The following LATS2 variants were observed in gnomAD, a reference collection of about 807,000 sequenced individuals.
LATS2 encodes large tumor suppressor kinase 2.
Under a neutral mutation model 76.0 loss-of-function variants are expected in LATS2, and 24 were observed. That is an observed-to-expected ratio of 0.32 (90% CI 0.23 to 0.44). The LOEUF is 0.44. LATS2 is among the 20% of genes least tolerant of loss of function. The pLI is 1.00. For missense variants in LATS2, 1,286 were observed against 1,481.2 expected (o/e 0.87, Z 2.16); for synonymous variants, 692 against 635.4 (o/e 1.09, Z -1.34).
chr13:21,029,235 A>G (rs1872427560), intron 2 of LATS2, among the ~76,000 whole-genome samples: 1 of 152,200 alleles, frequency 6.6e-6, no homozygotes, highest in Admixed American at 6.5e-5. Context: ...CAGCAAGTTG[A>G]GGAAGTTGCC....
At chr13:21,040,675 C>T (rs1419727770) in intron 2 of LATS2, among the ~76,000 whole-genome samples, 4 of 152,110 alleles carry the variant, frequency 2.6e-5, no homozygotes, top group Non-Finnish European at 5.9e-5. Flanking sequence ...GAGGATAAGA[C>T]CAGGGTCTGG....
At chr13:21,050,191 A>G (rs1873225445) in intron 1 of LATS2, among the ~76,000 whole-genome samples, 1 of 99,956 alleles carries the variant, frequency 1.0e-5, no homozygotes, top group Non-Finnish European at 2.3e-5. Context: ...AAGCTGCTGA[A>G]AGCCAGGAGG....
At chr13:21,000,711 C>T (rs560390834) in intron 2 of LATS2, among the ~76,000 whole-genome samples, 14 of 152,164 alleles carry the variant, frequency 9.2e-5, no homozygotes, top group African/African-American at 3.4e-4. Flanking sequence ...TTACCACAGC[C>T]AGAAATAATA....
At chr13:21,046,352 G>A (rs930886686) in intron 1 of LATS2, 122 bp from the exon 2 acceptor site, 3 of 286,054 alleles carry the variant, frequency 1.0e-5, no homozygotes, top group South Asian at 6.2e-5. Flanking sequence ...AAGAAAGAAC[G>A]CATCACCTCT....
intron 7 of LATS2, among the ~76,000 whole-genome samples, chr13:20,978,505 T>C (rs764140992): frequency 1.6e-4 from 24 of 152,218 alleles, no homozygotes; most frequent in Non-Finnish European, 3.4e-4. Context: ...ACAACTAGCC[T>C]GACCACATAG....
At position 21,058,677 on chromosome 13, in the gene LATS2, T is replaced by C. The variant is rs900964810; in HGVS notation, c.-205+2669A>G. On this transcript the variant is annotated intron_variant, in intron 1 of 7. Transcript: ENST00000382592. ...ATTCTAGTAATTCACCTTGGTAATT[T>C]TGCAAGACAGGCTAGCCTCTGCTCA... 1.7e-4 allele frequency among the ~76,000 whole-genome samples: 26 copies of C among 152,358 alleles called. No homozygotes were observed. In the East Asian group the frequency reaches 3.9e-3, roughly 23 times the overall value.
chr13:21,009,147 G>A lies in LATS2; in HGVS notation c.343-17743C>T, dbSNP rs530386465. ...TGGCAAATAGGAACCGCTCAGTCAC[G>A]TGTGGTGAGTGATGAATGAACAAAC... On this transcript the variant is annotated intron_variant, in intron 2 of 7. Transcript: ENST00000382592. 7.2e-5 allele frequency among the ~76,000 whole-genome samples: 11 copies of A among 152,308 alleles called. No homozygotes were observed. In the East Asian group the frequency reaches 2.1e-3, roughly 29 times the overall value.
rs1162910478 is a variant in LATS2 at position 20,988,305 on chromosome 13, A to G, written c.1475T>C (p.Leu492Pro). Residue 492 changes from leucine to proline, a missense_variant, in exon 4 of 8, where the codon CTG becomes CCG. By Grantham distance (98) the Leu-to-Pro change is moderately conservative. Around this residue, in one of 5 missense-constraint regions of LATS2, gnomAD observed 710 missense variants for 660.9 expected, o/e 1.07. Coordinates refer to ENST00000382592, the MANE Select transcript of LATS2 (RefSeq NM_014572.3). ...GAAGGCGCCTGCGCCGCCCAGCGCC[A>G]GGGCATGCTCCTCCTTGGCGTCCAA... ...EGLDAKEEHA[L>P]ALGGAGAFPL... The G allele has an allele frequency of 1.3e-6, 2 of 1,557,684 alleles. No individual in the cohort carries two copies. The highest frequency in any genetic ancestry group is 1.7e-6 in the Non-Finnish European group (2 of 1,161,352).
chr13:20,999,742 G>C (rs1170608961), intron 2 of LATS2, among the ~76,000 whole-genome samples: 2 of 151,950 alleles, frequency 1.3e-5, no homozygotes, highest in Non-Finnish European at 2.9e-5. Flanking sequence ...ACAGACATGA[G>C]CTAGGGTGCC....
chr13:21,031,523 T>C (rs1872529928), intron 2 of LATS2, among the ~76,000 whole-genome samples: 1 of 152,070 alleles, frequency 6.6e-6, no homozygotes. Flanking sequence ...CAGTTTAGAG[T>C]TTCCATTTTT....
At chr13:21,033,983 C>A (rs1187039282) in intron 2 of LATS2, among the ~76,000 whole-genome samples, 1 of 152,012 alleles carries the variant, frequency 6.6e-6, no homozygotes, top group Admixed American at 6.6e-5. Context: ...ACCAGTCGCA[C>A]CCAGGCTGGT....
intron 2 of LATS2, among the ~76,000 whole-genome samples, chr13:21,000,850 TTA>T (rs1219577682): frequency 1.3e-5 from 2 of 152,226 alleles, no homozygotes; most frequent in East Asian, 3.8e-4. Context: ...GTATAAAATG[TTA>T]TGTCTCTTAG....
Position 20,993,512 on chromosome 13 carries a change from C to T in LATS2, c.343-2108G>A, listed in dbSNP as rs139030650. On this transcript the variant is annotated intron_variant, in intron 2 of 7. Coordinates refer to ENST00000382592, the MANE Select transcript of LATS2 (RefSeq NM_014572.3). ...ACAGGCAAGGGGCTGCAGAGGAGCACGAGGTGGAAGGCCTGGGGAGGTGCC... is the reference window on the plus strand; with the variant it reads ...ACAGGCAAGGGGCTGCAGAGGAGCATGAGGTGGAAGGCCTGGGGAGGTGCC... Among the ~76,000 whole-genome samples the T allele has an allele frequency of 1.8e-3, 269 of 151,958 alleles. 1 individual carries two copies. The highest frequency in any genetic ancestry group is 5.8e-3 in the African/African-American group (241 of 41,436).
chr13:21,021,474 CAAAAAAAAA>C (rs58976562), intron 2 of LATS2, among the ~76,000 whole-genome samples: 87 of 48,358 alleles, frequency 1.8e-3, no homozygotes, highest in African/African-American at 5.4e-3. Flanking sequence ...GACTCTGTCT[CAAAAAAAAA>C]AAAAAAAAAA....
At chr13:21,007,058 C>T (rs544567121) in intron 2 of LATS2, among the ~76,000 whole-genome samples, 7 of 152,158 alleles carry the variant, frequency 4.6e-5, no homozygotes, top group East Asian at 3.9e-4. Context: ...CAAGGTAATT[C>T]GGTAAAGTAT....
At chr13:21,032,392 T>C (rs1003348911) in intron 2 of LATS2, among the ~76,000 whole-genome samples, 1 of 152,132 alleles carries the variant, frequency 6.6e-6, no homozygotes, top group Admixed American at 6.5e-5. Context: ...CTGAGCCTCC[T>C]GAGTAGCTGG....
intron 2 of LATS2, among the ~76,000 whole-genome samples, chr13:21,019,793 G>A (rs934320434): frequency 1.3e-5 from 2 of 150,662 alleles, no homozygotes; most frequent in African/African-American, 4.9e-5. Context: ...GGCCAACATG[G>A]CAAAACCCCA....
chr13:21,011,738 G>C (rs765273645), intron 2 of LATS2, among the ~76,000 whole-genome samples: 3 of 152,226 alleles, frequency 2.0e-5, no homozygotes, highest in Non-Finnish European at 4.4e-5. Flanking sequence ...ATACAGTCAT[G>C]CATTCCTTAA....
In LATS2 at chr13:20,991,363, G is replaced by A; in HGVS notation, c.384C>T (p.Ser128=). The change falls in exon 3 of 8, where the codon AGC becomes AGT. Residue 128 remains serine, a synonymous_variant. Transcript: ENST00000382592. This position sits in a 1 kb window ranked among gnomAD's most constrained non-coding sequence, Gnocchi z 4.9. ...GRALKQTGSR[S]IEAALEYISK... The stretch of plus-strand genomic sequence containing the variant: ...TGATGTACTCCAGGGCGGCCTCGAT[G>A]CTCCTGCTGCCAGTCTGCTTGAGAG... 1 of 1,614,134 alleles carries A rather than the reference G, an allele frequency of 6.2e-7. No individual in the cohort carries two copies. Among genetic ancestry groups the A allele is most frequent in the East Asian group, 2.2e-5 (1 of 44,866 alleles).
Sources: gnomAD v4.1 joint callset for allele counts (sites outside exome capture counted in the v4.1 genomes callset) on GRCh38, gnomAD v4.1.1 for gene constraint, gnomAD v4.1.1 regional missense constraint, Gnocchi (gnomAD v3.1) non-coding constraint, MANE v1.5 for transcripts, NCBI Gene and HGNC (gene_info 2026-07-23, HGNC 2026-07-21) for gene names.